Variants in CEP112 observed in about 807,000 individuals in gnomAD.
The protein encoded by CEP112 is centrosomal protein 112.
In CEP112, 127 loss-of-function variants were observed where a neutral mutation model predicts 153.0. That is an observed-to-expected ratio of 0.83 (90% confidence interval 0.72 to 0.96). CEP112 has a LOEUF of 0.96. CEP112 is among the 40% of genes least tolerant of loss of function. The probability of loss-of-function intolerance (pLI) is 0.00; values close to 1 mark genes in which losing one functional copy is unlikely to be tolerated. For synonymous variants in CEP112, 358 were observed against 374.4 expected (o/e 0.96, Z 0.51); for missense variants, 1,089 against 1,101.2 (o/e 0.99, Z 0.16).
intron 16 of CEP112, among the ~76,000 whole-genome samples, chr17:66,023,301 C>T (rs1598140577): frequency 6.6e-6 from 1 of 152,054 alleles, no homozygotes; most frequent in African/African-American, 2.4e-5. Flanking sequence ...AGAAAAAAAT[C>T]CTAAACTCAG....
chr17:66,140,388 T>C lies in CEP112; in HGVS notation c.471-7625A>G, dbSNP rs543230191. On this transcript the variant is annotated intron_variant, in intron 4 of 26. Coordinates refer to ENST00000535342, the MANE Select transcript of CEP112 (RefSeq NM_001199165.4). ...AAGAACAAGGCAAGAAGGCTCACTG[T>C]CACCACCTATTAAATAGTACAGCAG... Among the ~76,000 whole-genome samples the C allele has an allele frequency of 2.6e-5, 4 of 152,288 alleles. No homozygotes were observed. In the East Asian group the frequency reaches 7.7e-4, roughly 29 times the overall value.
intron 17 of CEP112, among the ~76,000 whole-genome samples, chr17:65,969,456 G>C (rs1368114362): frequency 1.3e-5 from 2 of 152,028 alleles, no homozygotes; most frequent in South Asian, 2.1e-4. Context: ...CATCACACAT[G>C]TATCACATGC....
chr17:65,666,513 C>T (rs1354621466), intron 24 of CEP112, among the ~76,000 whole-genome samples: 2 of 152,124 alleles, frequency 1.3e-5, no homozygotes, highest in Admixed American at 6.5e-5. Flanking sequence ...AATAACTTTA[C>T]ACAAAGACAA....
At chr17:65,823,305 A>G (rs1164594315) in intron 21 of CEP112, among the ~76,000 whole-genome samples, 1 of 152,188 alleles carries the variant, frequency 6.6e-6, no homozygotes, top group South Asian at 2.1e-4. Context: ...ACAGTAATCA[A>G]GATAGTGTGG....
At chr17:66,158,635 G>A (rs2071554516) in intron 4 of CEP112, among the ~76,000 whole-genome samples, 1 of 152,030 alleles carries the variant, frequency 6.6e-6, no homozygotes, top group South Asian at 2.1e-4. Context: ...AAGAAATAAA[G>A]TTGTTCTTTG....
intron 11 of CEP112, among the ~76,000 whole-genome samples, chr17:66,060,480 C>T (rs1451417295): frequency 6.6e-6 from 1 of 151,986 alleles, no homozygotes; most frequent in Non-Finnish European, 1.5e-5. Context: ...AAGGTGGAGG[C>T]ATCACAGTAA....
At chr17:65,663,919 G>A (rs906238954) in intron 24 of CEP112, among the ~76,000 whole-genome samples, 3 of 152,120 alleles carry the variant, frequency 2.0e-5, no homozygotes, top group East Asian at 1.9e-4. Flanking sequence ...GGTGGCGTGC[G>A]CCTGTAGTCC....
At chr17:65,764,521 C>CT (rs1018438329) in intron 21 of CEP112, among the ~76,000 whole-genome samples, 8 of 125,010 alleles carry the variant, frequency 6.4e-5, no homozygotes, top group African/African-American at 1.8e-4. Flanking sequence ...TCATTAGTGA[C>CT]TTTTTTTGTC....
chr17:66,161,781 T>A (rs994639112), intron 4 of CEP112, among the ~76,000 whole-genome samples: 36 of 151,840 alleles, frequency 2.4e-4, no homozygotes, highest in Admixed American at 2.1e-3. Context: ...TGTATACCTA[T>A]GTAACAAACC....
At chr17:65,760,145 G>C (rs2145374919) in intron 21 of CEP112, among the ~76,000 whole-genome samples, 1 of 152,224 alleles carries the variant, frequency 6.6e-6, no homozygotes, top group East Asian at 1.9e-4. Context: ...TCACTTATCA[G>C]TTCCAAGAGT....
At position 65,838,276 on chromosome 17, in the gene CEP112, A is replaced by AT. The variant is rs981419292; in HGVS notation, c.2394+13527dup. 7.9e-5 allele frequency among the ~76,000 whole-genome samples: 12 copies of AT among 152,268 alleles called. No individual in the cohort carries two copies. The South Asian group carries it at 1.2e-3, about 16-fold the overall frequency. ...TAGGTCACAAAACAAGTCTTAAGAA[A>AT]TTTTTAAAAATCAAAATCATATCGT... On this transcript the variant is annotated intron_variant, in intron 21 of 26. Transcript: ENST00000535342.
intron 24 of CEP112, among the ~76,000 whole-genome samples, chr17:65,667,067 G>A (rs2046730902): frequency 6.6e-6 from 1 of 152,172 alleles, no homozygotes; most frequent in Non-Finnish European, 1.5e-5. Flanking sequence ...TGCAGGGAGG[G>A]TGGAGGAAAT....
chr17:66,009,186 C>G (rs1360981052), intron 16 of CEP112, among the ~76,000 whole-genome samples: 1 of 99,098 alleles, frequency 1.0e-5, no homozygotes, highest in African/African-American at 4.2e-5. Context: ...ACTTGTTATC[C>G]CTTTGTGTGT....
intron 4 of CEP112, among the ~76,000 whole-genome samples, chr17:66,134,225 T>C (rs2070332761): frequency 1.3e-5 from 2 of 152,218 alleles, no homozygotes; most frequent in South Asian, 4.1e-4. Flanking sequence ...GAGCCTGAAA[T>C]GTTTATCTAT....
intron 24 of CEP112, among the ~76,000 whole-genome samples, chr17:65,669,688 G>A (rs1006902331): frequency 2.0e-5 from 3 of 152,152 alleles, no homozygotes; most frequent in African/African-American, 7.2e-5. Flanking sequence ...TGGATCACGA[G>A]GTCAGGAGAT....
Position 65,637,152 on chromosome 17 carries a change from C to T in CEP112, c.2836G>A (p.Glu946Lys). 1 of 1,613,994 alleles carries T rather than the reference C, an allele frequency of 6.2e-7. No individual in the cohort carries two copies. Among genetic ancestry groups the T allele is most frequent in the Non-Finnish European group, 8.5e-7 (1 of 1,179,930 alleles). ...CTGCCTTGATATGTAGTCAGTTCTT[C>T]CTGAAGGATGGAAGCTCTCTTTTGC... ...FLQKRASILQ[E>K]ELTTYQGRR The change falls in exon 26 of 27, where the codon GAA becomes AAA. Residue 946 changes from glutamate to lysine, a missense_variant. By Grantham distance (56) the Glu-to-Lys change is moderately conservative (BLOSUM62 1). Transcript: ENST00000535342.
At chr17:65,768,935 A>G (rs565555319) in intron 21 of CEP112, among the ~76,000 whole-genome samples, 1 of 152,216 alleles carries the variant, frequency 6.6e-6, no homozygotes, top group African/African-American at 2.4e-5. Flanking sequence ...GCTATCAAGA[A>G]CCATTAGACA....
At chr17:65,975,892 C>G (rs2063015861) in intron 17 of CEP112, among the ~76,000 whole-genome samples, 2 of 152,278 alleles carry the variant, frequency 1.3e-5, no homozygotes, top group Non-Finnish European at 2.9e-5. Context: ...AAACCCATAC[C>G]TATCGTAATT....
chr17:65,918,179 C>CAAAAA lies in CEP112; in HGVS notation c.1980+9398_1980+9402dup, dbSNP rs55755336. On this transcript the variant is annotated intron_variant, in intron 19 of 26. Transcript: ENST00000535342. ...TGAGTGACAGAGCAAGACTCTGTCTCAAAAAAAAAAAAAAATTAAAATTAA... is the reference window on the plus strand; with the variant it reads ...TGAGTGACAGAGCAAGACTCTGTCTCAAAAAAAAAAAAAAAAAAAATTAAAATTAA... 2.2e-3 allele frequency among the ~76,000 whole-genome samples: 262 copies of CAAAAA among 116,982 alleles called. 2 individuals are homozygous for CAAAAA. The highest frequency in any genetic ancestry group is 0.013 in the Middle Eastern group (3 of 230). The allele number at this position is 116,982 out of a possible 152,430, so 76.7% of individuals were successfully genotyped here. A position where few individuals can be genotyped will look rare whatever the true frequency, so the allele number is the denominator to read the frequency against.
Sources: gnomAD v4.1 joint callset for allele counts (sites outside exome capture counted in the v4.1 genomes callset) on GRCh38, gnomAD v4.1.1 for gene constraint, MANE v1.5 for transcripts, NCBI Gene and HGNC (gene_info 2026-07-23, HGNC 2026-07-21) for gene names.